The following PPP1R13B variants were observed in gnomAD, a reference collection of about 807,000 sequenced individuals.
The protein encoded by PPP1R13B is apoptosis-stimulating of p53 protein 1.
PPP1R13B carries 44 observed loss-of-function variants against 119.8 expected under a neutral mutation model. The ratio of observed to expected loss-of-function variants is 0.37; its 90% CI spans 0.29 to 0.47. PPP1R13B has a LOEUF of 0.47. PPP1R13B is among the 20% of genes least tolerant of loss of function. PPP1R13B has a pLI of 0.99. For synonymous variants in PPP1R13B, 542 were observed against 561.5 expected (o/e 0.97, Z 0.49); for missense variants, 1,227 against 1,413.5 (o/e 0.87, Z 2.12).
At chr14:103,832,138 G>A (rs1247028740) in intron 1 of PPP1R13B, among the ~76,000 whole-genome samples, 1 of 151,332 alleles carries the variant, frequency 6.6e-6, no homozygotes, top group Admixed American at 6.6e-5. Context: ...TGTTTCTATT[G>A]CACACAGCTC....
chr14:103,812,131 T>G (rs1172765772), intron 1 of PPP1R13B, among the ~76,000 whole-genome samples: 4 of 147,530 alleles, frequency 2.7e-5, no homozygotes, highest in African/African-American at 7.4e-5. Context: ...TGTGTGGTTT[T>G]TTTTTTTTTT....
At position 103,784,996 on chromosome 14, in the gene PPP1R13B, A is replaced by C. The variant is rs2085424478; in HGVS notation, c.158-82T>G. The stretch of plus-strand genomic sequence containing the variant: ...TAAATTTTGTAAAAAACTTAAATGA[A>C]TGTATATATGCACACATGTATGTCT... On this transcript the variant is annotated intron_variant, in intron 2 of 16. Transcript: ENST00000202556. 7.8e-6 allele frequency: 10 copies of C among 1,275,488 alleles called. 1 individual carries two copies. In the South Asian group the frequency reaches 1.2e-4, roughly 15 times the overall value. 79.0% of individuals were successfully genotyped at this position (1,275,488 alleles called of 1,614,324 possible).
chr14:103,794,629 G>C, intron 2 of PPP1R13B: 2 of 448,884 alleles, frequency 4.5e-6, no homozygotes, highest in South Asian at 1.6e-5. Context: ...TGCCCGGCCA[G>C]GTGCAGTAAG....
Position 103,738,931 on chromosome 14 carries a change from C to T in PPP1R13B, c.2685G>A (p.Ala895=), listed in dbSNP as rs369723625. The T allele has an allele frequency of 1.4e-5, 22 of 1,613,984 alleles. No homozygotes were observed. The highest frequency in any genetic ancestry group is 1.2e-4 in the African/African-American group (9 of 74,950). The stretch of plus-strand genomic sequence containing the variant: ...CCAGATCGAACTCTCCTTCCAGAGA[C>T]GCGTCTAGGAGCAGTGCCAGGGGGT... ...RFNPLALLLD[A]SLEGEFDLVQ... is the part of the protein sequence containing the mutation. Residue 895 remains alanine, a synonymous_variant, in exon 13 of 17, where the codon GCG becomes GCA. Transcript: ENST00000202556. This position sits in a 1 kb window ranked among gnomAD's most constrained non-coding sequence, Gnocchi z 5.6.
In PPP1R13B at chr14:103,735,168, G is replaced by A. The variant is rs375556240; in HGVS notation, c.3259C>T (p.Arg1087Ter). Residue 1087 changes from arginine to a stop codon, truncating the protein, a stop_gained, in exon 17 of 17, where the codon CGA (arginine) becomes TGA (stop). Coordinates refer to ENST00000202556, the MANE Select transcript of PPP1R13B (RefSeq NM_015316.3). LOFTEE classifies it high-confidence loss of function. Reference sequence around the variant, plus strand: ...CAAAAGGAAGTTCAGGCGAGTGTTCGCTGTCGGGGTTTGATCCGTGGATAC... The same window carrying A: ...CAAAAGGAAGTTCAGGCGAGTGTTCACTGTCGGGGTTTGATCCGTGGATAC... ...GLYPRIKPRQ[R>*]TLA 36 of 1,614,006 alleles carry A rather than the reference G, an allele frequency of 2.2e-5. No homozygotes were observed. The highest frequency in any genetic ancestry group is 2.4e-5 in the Non-Finnish European group (28 of 1,180,012).
At position 103,761,274 on chromosome 14, in the gene PPP1R13B, T is replaced by TAA. The variant is rs59281762; in HGVS notation, c.355-3525_355-3524dup. Among the ~76,000 whole-genome samples the TAA allele has an allele frequency of 5.0e-3, 522 of 104,670 alleles. 4 individuals carry two copies. Among genetic ancestry groups the TAA allele is most frequent in the African/African-American group, 0.013 (328 of 25,716 alleles). 68.7% of individuals were successfully genotyped at this position (104,670 alleles called of 152,430 possible). On this transcript the variant is annotated intron_variant, in intron 4 of 16. Coordinates refer to ENST00000202556, the MANE Select transcript of PPP1R13B (RefSeq NM_015316.3). ...AGGGAACAGAGCAAGACCCTATATT[T>TAA]AAAAAAAAAAAAAAAAAAAAAAAAA...
intron 1 of PPP1R13B, among the ~76,000 whole-genome samples, chr14:103,838,826 G>T (rs2086836415): frequency 6.6e-6 from 1 of 152,144 alleles, no homozygotes; most frequent in Admixed American, 6.5e-5. Context: ...TAAGTGAGGG[G>T]TCAAGTAACT....
intron 2 of PPP1R13B, among the ~76,000 whole-genome samples, chr14:103,787,961 T>TA (rs903156222): frequency 3.3e-5 from 5 of 151,806 alleles, no homozygotes; most frequent in Admixed American, 2.6e-4. Context: ...CCTTTTTTTT[T>TA]AATTAGCCGG....
chr14:103,740,700 A>C lies in PPP1R13B; in HGVS notation c.1823-107T>G. 2 of 913,964 alleles carry C rather than the reference A, an allele frequency of 2.2e-6. No individual in the cohort carries two copies. Among genetic ancestry groups the C allele is most frequent in the Non-Finnish European group, 3.0e-6 (2 of 672,010 alleles). The allele number at this position is 913,964 out of a possible 1,614,324, so 56.6% of individuals were successfully genotyped here. A position where few individuals can be genotyped will look rare whatever the true frequency, so the allele number is the denominator to read the frequency against. On this transcript the variant is annotated intron_variant, in intron 11 of 16. Coordinates refer to ENST00000202556, the MANE Select transcript of PPP1R13B (RefSeq NM_015316.3). This position sits in a 1 kb window ranked among gnomAD's most constrained non-coding sequence, Gnocchi z 4.6. Reference sequence around the variant, plus strand: ...GGCTCCTGCAAAGACACACATATACATCTGCTGCTGTTATTCAATTCTCAT... The same window carrying C: ...GGCTCCTGCAAAGACACACATATACCTCTGCTGCTGTTATTCAATTCTCAT...
chr14:103,758,908 T>C (rs554889706), intron 4 of PPP1R13B, among the ~76,000 whole-genome samples: 38 of 152,342 alleles, frequency 2.5e-4, no homozygotes, highest in African/African-American at 8.4e-4. Flanking sequence ...ACTTTTATGA[T>C]GTTTGAGCAC....
At chr14:103,755,989 T>C (rs901865363) in intron 5 of PPP1R13B, among the ~76,000 whole-genome samples, 2 of 152,186 alleles carry the variant, frequency 1.3e-5, no homozygotes, top group Non-Finnish European at 2.9e-5. Context: ...AAAAATCAGA[T>C]TGGACATTTT....
At chr14:103,794,638 A>G (rs886129435) in intron 2 of PPP1R13B, 1 of 448,322 alleles carries the variant, frequency 2.2e-6, no homozygotes, top group Non-Finnish European at 4.5e-6. Flanking sequence ...AGGTGCAGTA[A>G]GTTTTATGTG....
At chr14:103,823,816 TA>T (rs2086469034) in intron 1 of PPP1R13B, among the ~76,000 whole-genome samples, 1 of 151,288 alleles carries the variant, frequency 6.6e-6, no homozygotes, top group Non-Finnish European at 1.5e-5. Context: ...TTTTACAAAT[TA>T]ATATACATAC....
At chr14:103,746,344 C>G in intron 9 of PPP1R13B, 29 bp downstream of exon 9, 1 of 1,146,974 alleles carries the variant, frequency 8.7e-7, no homozygotes, top group Non-Finnish European at 1.1e-6. Flanking sequence ...CACAAACTCT[C>G]CCCCAGGAAG....
chr14:103,738,368 T>G lies in PPP1R13B; in HGVS notation c.2864+311A>C. The G allele has an allele frequency of 2.5e-6, 1 of 392,504 alleles. No individual in the cohort carries two copies. The highest frequency in any genetic ancestry group is 2.8e-5 in the South Asian group (1 of 36,300). The allele number at this position is 392,504 out of a possible 1,614,324, so 24.3% of individuals were successfully genotyped here. A position where few individuals can be genotyped will look rare whatever the true frequency, so the allele number is the denominator to read the frequency against. ...GCTGCTTTTCACACGGAGCACAGAG[T>G]GTGAAGAGTCCATACGGAACATATG... On this transcript the variant is annotated intron_variant, in intron 14 of 16. Coordinates refer to ENST00000202556, the MANE Select transcript of PPP1R13B (RefSeq NM_015316.3). This position sits in a 1 kb window ranked among gnomAD's most constrained non-coding sequence, Gnocchi z 5.6.
intron 1 of PPP1R13B, among the ~76,000 whole-genome samples, chr14:103,824,264 T>C (rs1330559345): frequency 3.3e-5 from 5 of 150,632 alleles, no homozygotes; most frequent in Non-Finnish European, 5.9e-5. Context: ...CAGGATGGTC[T>C]CAATCTCCTG....
intron 1 of PPP1R13B, among the ~76,000 whole-genome samples, chr14:103,846,103 A>AT (rs772203806): frequency 6.6e-6 from 1 of 152,338 alleles, no homozygotes; most frequent in Non-Finnish European, 1.5e-5. Flanking sequence ...TGCTCATCCA[A>AT]TTCTCTTTCC....
chr14:103,785,317 C>A (rs2085434728), intron 2 of PPP1R13B, among the ~76,000 whole-genome samples: 1 of 152,146 alleles, frequency 6.6e-6, no homozygotes, highest in South Asian at 2.1e-4. Flanking sequence ...CTTCTGGGTT[C>A]AAGAGATGCT....
chr14:103,768,137 T>C (rs2084979430), intron 4 of PPP1R13B, among the ~76,000 whole-genome samples: 1 of 147,672 alleles, frequency 6.8e-6, no homozygotes, highest in Admixed American at 6.8e-5. Context: ...TTTTTTGAGA[T>C]GGAGTCTCAC....
Sources: allele counts gnomAD v4.1 joint callset (sites outside exome capture counted in the v4.1 genomes callset), GRCh38; gene constraint gnomAD v4.1.1; non-coding constraint Gnocchi (gnomAD v3.1); transcripts MANE v1.5; gene names NCBI Gene and HGNC (gene_info 2026-07-23, HGNC 2026-07-21).